Variants in PTPRT observed in about 807,000 individuals in gnomAD.
PTPRT encodes the protein receptor-type tyrosine-protein phosphatase T.
In PTPRT, 56 loss-of-function variants were observed where a neutral mutation model predicts 176.8. That is an observed-to-expected ratio of 0.32 (90% CI 0.26 to 0.40). PTPRT has a LOEUF of 0.40. PTPRT is among the 10% of genes least tolerant of loss of function. The pLI, the probability that PTPRT is intolerant of heterozygous loss-of-function variation, is 1.00. For missense variants in PTPRT, 1,540 were observed against 1,908.2 expected (o/e 0.81, Z 3.60); for synonymous variants, 783 against 739.0 (o/e 1.06, Z -0.96).
At chr20:42,634,034 ATATATATTATATATATAT>A (rs2074519522) in intron 7 of PTPRT, among the ~76,000 whole-genome samples, 2 of 28,540 alleles carry the variant, frequency 7.0e-5, no homozygotes, top group Non-Finnish European at 1.1e-4. Context: ...TATATATATT[ATATATATTATATATATAT>A]TATAAATATA....
intron 6 of PTPRT, among the ~76,000 whole-genome samples, chr20:42,721,998 C>T (rs1237792308): frequency 2.0e-5 from 3 of 152,170 alleles, no homozygotes; most frequent in Non-Finnish European, 2.9e-5. Context: ...GATGCCAATG[C>T]CCCCATGTTG....
At chr20:42,398,602 A>G (rs898199421) in intron 9 of PTPRT, among the ~76,000 whole-genome samples, 2 of 152,290 alleles carry the variant, frequency 1.3e-5, no homozygotes, top group East Asian at 1.9e-4. Context: ...CAAGAACAAA[A>G]TCTCTTTGTA....
intron 1 of PTPRT, among the ~76,000 whole-genome samples, chr20:43,023,174 A>ACCAG (rs1985771552): frequency 6.6e-6 from 1 of 152,194 alleles, no homozygotes; most frequent in Non-Finnish European, 1.5e-5. Context: ...AGTCTGCAGG[A>ACCAG]CCAGACCCAG....
At chr20:42,840,585 G>C (rs1403515317) in intron 2 of PTPRT, among the ~76,000 whole-genome samples, 1 of 151,956 alleles carries the variant, frequency 6.6e-6, no homozygotes, top group Non-Finnish European at 1.5e-5. Flanking sequence ...GCTAATTTTT[G>C]TAATTTTAGT....
chr20:42,080,771 A>G lies in PTPRT; in HGVS notation c.*108T>C, dbSNP rs1187258287. ...GGCCACCAGTCTTCTCCTTGGAGTC[A>G]GGCAGGGTGCCACCTCAGAGCTCCT... On this transcript the variant is annotated 3_prime_UTR_variant, in exon 31 of 31. Coordinates refer to ENST00000373187, the MANE Select transcript of PTPRT (RefSeq NM_007050.6). The G allele has an allele frequency of 8.9e-7, 1 of 1,119,488 alleles. No homozygotes were observed. Among genetic ancestry groups the G allele is most frequent in the Non-Finnish European group, 1.3e-6 (1 of 750,600 alleles). The allele number at this position is 1,119,488 out of a possible 1,614,324, so 69.3% of individuals were successfully genotyped here. A position where few individuals can be genotyped will look rare whatever the true frequency, so the allele number is the denominator to read the frequency against.
At chr20:42,972,993 C>G (rs1982742707) in intron 1 of PTPRT, among the ~76,000 whole-genome samples, 1 of 151,848 alleles carries the variant, frequency 6.6e-6, no homozygotes, top group Non-Finnish European at 1.5e-5. Flanking sequence ...CTGGTGGCTA[C>G]TCTATTGATC....
At chr20:42,797,047 T>C (rs2077464537) in intron 2 of PTPRT, among the ~76,000 whole-genome samples, 1 of 152,218 alleles carries the variant, frequency 6.6e-6, no homozygotes, top group Admixed American at 6.5e-5. Context: ...TTCTTTTCTA[T>C]CTTTCCCATA....
intron 9 of PTPRT, among the ~76,000 whole-genome samples, chr20:42,445,878 G>A (rs2070724634): frequency 6.6e-6 from 1 of 152,176 alleles, no homozygotes; most frequent in Non-Finnish European, 1.5e-5. Context: ...TGGGGCTTCA[G>A]AGAGTGCACT....
At chr20:42,236,125 A>G in intron 15 of PTPRT, 104 bp downstream of exon 15, 1 of 1,005,652 alleles carries the variant, frequency 9.9e-7, no homozygotes. Context: ...ACTTAGACAG[A>G]AGTGAAAATG....
At chr20:42,777,031 T>C (rs549586839) in intron 4 of PTPRT, among the ~76,000 whole-genome samples, 11 of 152,232 alleles carry the variant, frequency 7.2e-5, no homozygotes, top group African/African-American at 2.4e-4. Context: ...TAAATACTTG[T>C]TGGATGATGA....
Position 42,605,091 on chromosome 20 carries a change from G to A in PTPRT, c.1153+72775C>T, listed in dbSNP as rs59610843. 9.4e-3 allele frequency among the ~76,000 whole-genome samples: 1,424 copies of A among 152,296 alleles called. 24 individuals carry two copies. The highest frequency in any genetic ancestry group is 0.033 in the African/African-American group (1,371 of 41,552). The stretch of plus-strand genomic sequence containing the variant: ...AAGTAGAACTCATGGAGTGAGGCGT[G>A]ACCCAAGCACTACAGGGAGAGGCAC... On this transcript the variant is annotated intron_variant, in intron 7 of 30. Coordinates refer to ENST00000373187, the MANE Select transcript of PTPRT (RefSeq NM_007050.6).
chr20:42,719,267 G>T (rs748443309), intron 6 of PTPRT, among the ~76,000 whole-genome samples: 3 of 152,184 alleles, frequency 2.0e-5, no homozygotes, highest in Non-Finnish European at 4.4e-5. Context: ...AAAATAATGA[G>T]ATTGGATAGA....
rs553350530 is a variant in PTPRT at position 42,522,950 on chromosome 20, C to T, written c.1154-50388G>A. Reference sequence around the variant, plus strand: ...ATATGGTGGCTCATTTTCTGATACTCGCAGATCTTCAATTTCTTGTCACTG... The same window carrying T: ...ATATGGTGGCTCATTTTCTGATACTTGCAGATCTTCAATTTCTTGTCACTG... On this transcript the variant is annotated intron_variant, in intron 7 of 30. Coordinates refer to ENST00000373187, the MANE Select transcript of PTPRT (RefSeq NM_007050.6). Among the ~76,000 whole-genome samples, 340 of 152,222 alleles carry T rather than the reference C, an allele frequency of 2.2e-3. 3 individuals are homozygous for T. Among genetic ancestry groups the T allele is most frequent in the South Asian group, 3.3e-3 (16 of 4,810 alleles).
chr20:42,067,111 C>G, the PTPRT span, among the ~76,000 whole-genome samples: 1 of 152,110 alleles, frequency 6.6e-6, no homozygotes, highest in Non-Finnish European at 1.5e-5. Context: ...TGAGCTTGCT[C>G]AGAGTTGGGG....
At position 42,335,929 on chromosome 20, in the gene PTPRT, C is replaced by T. The variant is rs147860196; in HGVS notation, c.1865+14699G>A. 1.1e-4 allele frequency among the ~76,000 whole-genome samples: 16 copies of T among 152,228 alleles called. No homozygotes were observed. In the East Asian group the frequency reaches 2.9e-3, roughly 28 times the overall value. On this transcript the variant is annotated intron_variant, in intron 11 of 30. Transcript: ENST00000373187. Reference sequence around the variant, plus strand: ...AGACCATTATGTTCAAATTTCATATCGGCTGCTACTAGCTGCATGATCTTG... The same window carrying T: ...AGACCATTATGTTCAAATTTCATATTGGCTGCTACTAGCTGCATGATCTTG...
chr20:42,742,872 A>G (rs2076632638), intron 6 of PTPRT, among the ~76,000 whole-genome samples: 1 of 152,214 alleles, frequency 6.6e-6, no homozygotes, highest in South Asian at 2.1e-4. Flanking sequence ...ATTCAGCAAC[A>G]TAAAATGAAC....
At chr20:42,439,175 C>G (rs1568879898) in intron 9 of PTPRT, among the ~76,000 whole-genome samples, 2 of 152,136 alleles carry the variant, frequency 1.3e-5, no homozygotes, top group African/African-American at 4.8e-5. Context: ...GAGCTGTGGA[C>G]TAGAACAAAT....
At chr20:42,349,311 C>G (rs113821730) in intron 11 of PTPRT, among the ~76,000 whole-genome samples, 1 of 152,156 alleles carries the variant, frequency 6.6e-6, no homozygotes, top group Non-Finnish European at 1.5e-5. Context: ...CCTGGTTGCT[C>G]CCTGTTATAG....
At chr20:42,503,182 A>G (rs1472025029) in intron 7 of PTPRT, among the ~76,000 whole-genome samples, 4 of 151,854 alleles carry the variant, frequency 2.6e-5, no homozygotes, top group African/African-American at 9.7e-5. Flanking sequence ...TATTTCATTG[A>G]TGTATTCTCT....
Sources: allele counts gnomAD v4.1 joint callset (sites outside exome capture counted in the v4.1 genomes callset), GRCh38; gene constraint gnomAD v4.1.1; transcripts MANE v1.5; gene names NCBI Gene and HGNC (gene_info 2026-07-23, HGNC 2026-07-21).